Variants in AUTS2 observed in about 807,000 individuals in gnomAD.
AUTS2 encodes autism susceptibility gene 2 protein.
Under a neutral mutation model 112.4 loss-of-function variants are expected in AUTS2, and 17 were observed. The ratio of observed to expected loss-of-function variants is 0.15; its 90% CI spans 0.10 to 0.23. AUTS2 has a LOEUF of 0.23. Ranked by LOEUF, AUTS2 falls within the 10% of genes least tolerant of loss-of-function variation. AUTS2 has a pLI of 1.00. For missense variants in AUTS2, 1,510 were observed against 1,701.6 expected (o/e 0.89, Z 1.98); for synonymous variants, 751 against 702.7 (o/e 1.07, Z -1.09).
intron 5 of AUTS2, among the ~76,000 whole-genome samples, chr7:70,531,765 T>A (rs527371989): frequency 2.0e-5 from 3 of 152,056 alleles, no homozygotes; most frequent in Non-Finnish European, 2.9e-5. Flanking sequence ...ACCATGAGAT[T>A]TGGAGGGGAC....
chr7:70,702,292 C>T (rs1563138829), intron 6 of AUTS2, among the ~76,000 whole-genome samples: 1 of 152,182 alleles, frequency 6.6e-6, no homozygotes, highest in South Asian at 2.1e-4. Flanking sequence ...TGGCATGTGG[C>T]TGTGGTCTAG....
intron 5 of AUTS2, among the ~76,000 whole-genome samples, chr7:70,659,645 T>G (rs139300339): frequency 2.9e-4 from 44 of 152,322 alleles, no homozygotes; most frequent in Middle Eastern, 3.4e-3. Context: ...GACACTGTTG[T>G]GGGACCTGGA....
chr7:70,171,897 T>G (rs1475708575), intron 4 of AUTS2, among the ~76,000 whole-genome samples: 1 of 116,478 alleles, frequency 8.6e-6, no homozygotes, highest in Non-Finnish European at 1.9e-5. Flanking sequence ...TAAACAAGTT[T>G]TTTTTTTTGG....
chr7:70,196,312 A>G (rs1311494551), intron 4 of AUTS2, among the ~76,000 whole-genome samples: 1 of 152,234 alleles, frequency 6.6e-6, no homozygotes, highest in Non-Finnish European at 1.5e-5. Context: ...ACTGGGCTTC[A>G]GCAGCCTCAT....
In AUTS2 at chr7:70,766,477, C is replaced by G. The variant is rs1789954035; in HGVS notation, c.1689+143C>G. 2 of 1,080,828 alleles carry G rather than the reference C, an allele frequency of 1.9e-6. No individual in the cohort carries two copies. The highest frequency in any genetic ancestry group is 1.6e-5 in the African/African-American group (1 of 64,424). The allele number at this position is 1,080,828 out of a possible 1,614,324, so 67.0% of individuals were successfully genotyped here. A position where few individuals can be genotyped will look rare whatever the true frequency, so the allele number is the denominator to read the frequency against. Reference sequence around the variant, plus strand: ...TTGGCTGGAGAGAAGGGAATGTGTCCTAGTGCCCTGCCTCAGGCAGCTCTG... The same window carrying G: ...TTGGCTGGAGAGAAGGGAATGTGTCGTAGTGCCCTGCCTCAGGCAGCTCTG... On this transcript the variant is annotated intron_variant, in intron 9 of 18. Transcript: ENST00000342771. This position sits in a 1 kb window ranked among gnomAD's most constrained non-coding sequence, Gnocchi z 4.8.
At chr7:70,628,115 A>G (rs1805046240) in intron 5 of AUTS2, among the ~76,000 whole-genome samples, 1 of 152,150 alleles carries the variant, frequency 6.6e-6, no homozygotes. Context: ...ACAGGGCACA[A>G]GTGTGGCAAA....
intron 4 of AUTS2, among the ~76,000 whole-genome samples, chr7:70,149,059 T>C (rs1347218333): frequency 6.6e-6 from 1 of 152,104 alleles, no homozygotes; most frequent in Non-Finnish European, 1.5e-5. Flanking sequence ...ATACTTTACT[T>C]CAAGACTATT....
At chr7:70,164,875 C>CA (rs1257615950) in intron 4 of AUTS2, among the ~76,000 whole-genome samples, 2 of 151,654 alleles carry the variant, frequency 1.3e-5, no homozygotes, top group African/African-American at 4.8e-5. Flanking sequence ...GGTGACTGTT[C>CA]AAGATGTAAA....
chr7:70,069,953 A>G (rs1039978192), intron 2 of AUTS2, among the ~76,000 whole-genome samples: 2 of 152,092 alleles, frequency 1.3e-5, no homozygotes, highest in South Asian at 2.1e-4. Flanking sequence ...AATAATTTAA[A>G]TATAATTAGA....
chr7:70,524,346 A>G (rs984877800), intron 5 of AUTS2, among the ~76,000 whole-genome samples: 8 of 152,214 alleles, frequency 5.3e-5, no homozygotes, highest in African/African-American at 1.7e-4. Context: ...TTTCCACCAT[A>G]TAGTTGGTCA....
intron 6 of AUTS2, among the ~76,000 whole-genome samples, chr7:70,735,331 A>T (rs546807208): frequency 2.0e-5 from 3 of 152,328 alleles, no homozygotes; most frequent in African/African-American, 7.2e-5. Context: ...TGGCAAATTC[A>T]GTTGGTTTGT....
At chr7:70,616,137 C>T (rs1366360886) in intron 5 of AUTS2, among the ~76,000 whole-genome samples, 2 of 152,242 alleles carry the variant, frequency 1.3e-5, no homozygotes, top group African/African-American at 4.8e-5. Flanking sequence ...ACATCTTCTT[C>T]AGATTTTCCC....
At chr7:70,786,843 T>G in intron 17 of AUTS2, 3 of 355,556 alleles carry the variant, frequency 8.4e-6, no homozygotes, top group Middle Eastern at 9.8e-4. Context: ...TGAATCAATT[T>G]AGAATTGTTA....
At chr7:69,686,460 G>A (rs1314570802) in intron 1 of AUTS2, among the ~76,000 whole-genome samples, 2 of 152,098 alleles carry the variant, frequency 1.3e-5, no homozygotes, top group Non-Finnish European at 2.9e-5. Context: ...CTGGGACTGG[G>A]GGTTCTTAAC....
At chr7:70,683,037 C>T (rs1220075725) in intron 5 of AUTS2, among the ~76,000 whole-genome samples, 4 of 152,216 alleles carry the variant, frequency 2.6e-5, no homozygotes, top group Non-Finnish European at 1.5e-5. Context: ...AACAGTCACA[C>T]GTCAGTCACA....
intron 4 of AUTS2, among the ~76,000 whole-genome samples, chr7:70,254,741 A>G (rs1240211448): frequency 2.0e-5 from 3 of 152,190 alleles, no homozygotes; most frequent in Admixed American, 6.5e-5. Context: ...TATATTTGTA[A>G]TATCTTATGT....
intron 6 of AUTS2, among the ~76,000 whole-genome samples, chr7:70,755,367 A>G (rs1789130655): frequency 6.6e-6 from 1 of 152,156 alleles, no homozygotes; most frequent in African/African-American, 2.4e-5. Flanking sequence ...GAGATTTTTA[A>G]AAAATCTATT....
chr7:70,771,793 CTTTT>C, intron 11 of AUTS2, 149 bp downstream of exon 11: 1 of 542,108 alleles, frequency 1.8e-6, no homozygotes, highest in Non-Finnish European at 3.0e-6. Context: ...GCCTATTTTT[CTTTT>C]TTTTCCAAGT....
At chr7:70,216,267 C>A (rs578008826) in intron 4 of AUTS2, among the ~76,000 whole-genome samples, 2 of 152,176 alleles carry the variant, frequency 1.3e-5, no homozygotes, top group African/African-American at 2.4e-5. Context: ...AGTGTTGGAA[C>A]GAAATATGGA....
Sources: allele counts gnomAD v4.1 joint callset (sites outside exome capture counted in the v4.1 genomes callset), GRCh38; gene constraint gnomAD v4.1.1; non-coding constraint Gnocchi (gnomAD v3.1); transcripts MANE v1.5; gene names NCBI Gene and HGNC (gene_info 2026-07-23, HGNC 2026-07-21).